PPP3CA: variants seen among roughly 807,000 people sequenced by gnomAD.
PPP3CA encodes protein phosphatase 3 catalytic subunit alpha.
A neutral mutation model predicts 66.5 loss-of-function variants in PPP3CA; 14 were observed. That is an observed-to-expected ratio of 0.21 (90% CI 0.14 to 0.33). PPP3CA has a LOEUF of 0.33. PPP3CA is among the 10% of genes least tolerant of loss of function. PPP3CA has a pLI of 1.00. For synonymous variants in PPP3CA, 232 were observed against 226.2 expected, an observed-to-expected ratio of 1.03 and a Z score of -0.23; for missense variants, 317 against 639.5, an observed-to-expected ratio of 0.50 and a Z score of 5.44.
intron 1 of PPP3CA, among the ~76,000 whole-genome samples, chr4:101,319,026 C>T (rs1300188380): frequency 6.6e-6 from 1 of 151,906 alleles, no homozygotes; most frequent in African/African-American, 2.4e-5. Flanking sequence ...AATCTCTCAA[C>T]TAAAGTTATT....
chr4:101,146,025 T>C (rs1219955017), intron 2 of PPP3CA, among the ~76,000 whole-genome samples: 1 of 152,188 alleles, frequency 6.6e-6, no homozygotes, highest in African/African-American at 2.4e-5. Flanking sequence ...AAAGTAAACT[T>C]CAGCCTGGTC....
intron 2 of PPP3CA, among the ~76,000 whole-genome samples, chr4:101,175,210 C>G (rs890767469): frequency 2.6e-5 from 4 of 151,958 alleles, no homozygotes; most frequent in Non-Finnish European, 5.9e-5. Flanking sequence ...CTGGAAGGGG[C>G]CTGTAAAAGA....
At chr4:101,273,779 C>T (rs35095772) in intron 1 of PPP3CA, among the ~76,000 whole-genome samples, 100,367 of 151,976 alleles carry the variant, frequency 0.66, 34,155 homozygotes, top group Non-Finnish European at 0.75. Context: ...AAGAACTATT[C>T]AAGCAAAAAT....
chr4:101,323,314 T>TA (rs1729099544), intron 1 of PPP3CA, among the ~76,000 whole-genome samples: 1 of 152,210 alleles, frequency 6.6e-6, no homozygotes, highest in African/African-American at 2.4e-5. Context: ...TGTGCTACTA[T>TA]AGGGCTTTGG....
chr4:101,205,157 A>G (rs999600002), intron 1 of PPP3CA, among the ~76,000 whole-genome samples: 79 of 152,092 alleles, frequency 5.2e-4, no homozygotes, highest in African/African-American at 1.9e-3. Context: ...GAAAAATGCC[A>G]TAGGAGAATA....
At chr4:101,323,555 A>G (rs1729107071) in intron 1 of PPP3CA, among the ~76,000 whole-genome samples, 1 of 152,178 alleles carries the variant, frequency 6.6e-6, no homozygotes, top group Non-Finnish European at 1.5e-5. Flanking sequence ...CAGGAATCCA[A>G]TTTCCCTGAT....
chr4:101,200,572 C>T (rs899846389), intron 1 of PPP3CA, among the ~76,000 whole-genome samples: 2 of 152,098 alleles, frequency 1.3e-5, no homozygotes, highest in African/African-American at 4.8e-5. Context: ...AATATTTAGC[C>T]TAGTGATCTT....
At chr4:101,120,535 G>C (rs1721993428) in intron 2 of PPP3CA, among the ~76,000 whole-genome samples, 1 of 139,634 alleles carries the variant, frequency 7.2e-6, no homozygotes, top group South Asian at 2.2e-4. Context: ...AGAGGCAGTA[G>C]CATATATAAT....
intron 10 of PPP3CA, among the ~76,000 whole-genome samples, chr4:101,050,702 G>T (rs192455014): frequency 2.6e-5 from 4 of 152,166 alleles, no homozygotes; most frequent in Admixed American, 2.6e-4. Context: ...TACTTCACTC[G>T]TGGTGGCAGA....
chr4:101,285,930 T>C (rs1363482330), intron 1 of PPP3CA, among the ~76,000 whole-genome samples: 2 of 152,164 alleles, frequency 1.3e-5, no homozygotes, highest in East Asian at 3.8e-4. Flanking sequence ...TACACCTAAA[T>C]TGCAATGCAA....
chr4:101,205,755 A>C (rs988077152), intron 1 of PPP3CA, among the ~76,000 whole-genome samples: 6 of 152,224 alleles, frequency 3.9e-5, no homozygotes, highest in Admixed American at 3.9e-4. Flanking sequence ...AAGGGTCTTA[A>C]TAAAATGGCA....
At position 101,261,856 on chromosome 4, in the gene PPP3CA, CCCCA is replaced by C. The variant is rs1424552613; in HGVS notation, c.59-65744_59-65741del. Among the ~76,000 whole-genome samples the C allele has an allele frequency of 2.6e-5, 4 of 151,752 alleles. No homozygotes were observed. The East Asian group carries it at 7.8e-4, about 29-fold the overall frequency. Reference sequence around the variant, plus strand: ...ATGTGTGTTTTAACTTCCCCTCTCCCCCCACCCAAAAAAAAAGCTATCAAAAGAA... The same window carrying C: ...ATGTGTGTTTTAACTTCCCCTCTCCCCCCAAAAAAAAAGCTATCAAAAGAA... On this transcript the variant is annotated intron_variant, in intron 1 of 13. Coordinates refer to ENST00000394854, the MANE Select transcript of PPP3CA (RefSeq NM_000944.5).
At chr4:101,199,874 T>G (rs1433296071) in intron 1 of PPP3CA, among the ~76,000 whole-genome samples, 1 of 152,196 alleles carries the variant, frequency 6.6e-6, no homozygotes, top group Non-Finnish European at 1.5e-5. Context: ...ATGCTTCCCA[T>G]ATTGGCATCT....
At chr4:101,026,138 G>C in intron 13 of PPP3CA, 77 bp from the exon 14 acceptor site, 2 of 1,256,324 alleles carry the variant, frequency 1.6e-6, no homozygotes, top group Non-Finnish European at 2.2e-6. Context: ...TGCAGCAGGT[G>C]ATGTTAGAGA....
intron 1 of PPP3CA, among the ~76,000 whole-genome samples, chr4:101,246,493 T>C (rs1274167585): frequency 6.6e-6 from 1 of 152,208 alleles, no homozygotes; most frequent in East Asian, 1.9e-4. Context: ...TCTAGTCAAA[T>C]GATAATCAAA....
At chr4:101,055,295 G>A (rs920502314) in intron 10 of PPP3CA, among the ~76,000 whole-genome samples, 4 of 152,090 alleles carry the variant, frequency 2.6e-5, no homozygotes, top group African/African-American at 4.8e-5. Context: ...GGTCTGAAAT[G>A]AGCCTTCTTC....
intron 1 of PPP3CA, among the ~76,000 whole-genome samples, chr4:101,340,084 T>C (rs2110341108): frequency 6.6e-6 from 1 of 152,298 alleles, no homozygotes; most frequent in African/African-American, 2.4e-5. Flanking sequence ...GGTTTCACAG[T>C]TGTCAAAAGT....
In PPP3CA at chr4:101,216,597, G is replaced by A. The variant is rs116744749; in HGVS notation, c.59-20481C>T. 2.3e-3 allele frequency among the ~76,000 whole-genome samples: 355 copies of A among 152,016 alleles called. 4 individuals carry two copies. Among genetic ancestry groups the A allele is most frequent in the African/African-American group, 8.1e-3 (335 of 41,450 alleles). On this transcript the variant is annotated intron_variant, in intron 1 of 13. Transcript: ENST00000394854. ...TCTGTTGCCCAGGCTGAATTCAGCA[G>A]CGCAATCTCATTTCACTGCAGCCTT...
At chr4:101,211,860 G>A (rs1725309140) in intron 1 of PPP3CA, among the ~76,000 whole-genome samples, 1 of 152,050 alleles carries the variant, frequency 6.6e-6, no homozygotes, top group Non-Finnish European at 1.5e-5. Flanking sequence ...AAACTGTCAT[G>A]GTTATTAGTT....
Sources: allele counts gnomAD v4.1 joint callset (sites outside exome capture counted in the v4.1 genomes callset), GRCh38; gene constraint gnomAD v4.1.1; transcripts MANE v1.5; gene names NCBI Gene and HGNC (gene_info 2026-07-23, HGNC 2026-07-21).